Variants in A2M observed in about 807,000 individuals in gnomAD.
A2M encodes the protein alpha-2-macroglobulin, also known as C3 and PZP-like alpha-2-macroglobulin domain-containing protein 5.
In A2M, 128 loss-of-function variants were observed where a neutral mutation model predicts 183.9. The observed-to-expected ratio is 0.70, with a 90% CI of 0.60 to 0.81. The LOEUF (loss-of-function observed/expected upper bound fraction) is 0.81. Among genes scored for constraint, A2M ranks in the 30% least tolerant of loss-of-function variants. The probability of loss-of-function intolerance (pLI) is 0.00; values close to 1 mark genes in which losing one functional copy is unlikely to be tolerated. For synonymous variants in A2M, 592 were observed against 670.8 expected, an observed-to-expected ratio of 0.88 and a Z score of 1.81; for missense variants, 1,495 against 1,787.6, an observed-to-expected ratio of 0.84 and a Z score of 2.95.
At chr12:9,111,644 T>C in intron 4 of A2M, 1 of 410,662 alleles carries the variant, frequency 2.4e-6, no homozygotes, top group Middle Eastern at 4.8e-4. Context: ...CTTTTTGAGA[T>C]AAGAAAATGT....
At chr12:9,097,279 C>T (rs226402) in intron 15 of A2M, among the ~76,000 whole-genome samples, 60,657 of 127,468 alleles carry the variant, frequency 0.48, 13,197 homozygotes, top group African/African-American at 0.65. Flanking sequence ...AAGTAAGAAA[C>T]ATTTTTTTAT....
In A2M at chr12:9,072,970, A is replaced by G. The variant is rs1565577766; in HGVS notation, c.3757-99T>C. 3 of 806,276 alleles carry G rather than the reference A, an allele frequency of 3.7e-6. No homozygotes were observed. In the East Asian group the frequency reaches 8.0e-5, roughly 22 times the overall value. 49.9% of individuals were successfully genotyped at this position (806,276 alleles called of 1,614,324 possible). On this transcript the variant is annotated intron_variant, in intron 29 of 35. Coordinates refer to ENST00000318602, the MANE Select transcript of A2M (RefSeq NM_000014.6). ...CCCATGTGAGGGACTTTGATTTCCT[A>G]CTTCCCTCACTACTTAAATATAGGA...
chr12:9,079,404 A>G, intron 24 of A2M, 73 bp from the exon 25 acceptor site: 3 of 1,436,870 alleles, frequency 2.1e-6, no homozygotes, highest in Non-Finnish European at 2.9e-6. Context: ...TACTAAAAGT[A>G]CCTTGGCTTC....
chr12:9,104,354 A>G lies in A2M; in HGVS notation c.1151T>C (p.Ile384Thr), dbSNP rs1938121332. 1.2e-6 allele frequency: 2 copies of G among 1,605,978 alleles called. No individual in the cohort carries two copies. Among genetic ancestry groups the G allele is most frequent in the Non-Finnish European group, 1.7e-6 (2 of 1,175,708 alleles). ...GKGVPIPNKV[I>T]FIRGNEANYY... ...GTTTGCTTCATTTCCTCTGATGAATATGACTTTATTTGGTATAGGGACGCC... is the reference window on the plus strand; with the variant it reads ...GTTTGCTTCATTTCCTCTGATGAATGTGACTTTATTTGGTATAGGGACGCC... The change falls in exon 11 of 36, where the codon ATA becomes ACA. Residue 384 changes from isoleucine (I) to threonine (T), a missense_variant. Transcript: ENST00000318602.
Position 9,099,447 on chromosome 12 carries a change from AAC to A in A2M, c.1633_1634del (p.Val545PhefsTer14). 1.2e-6 allele frequency: 2 copies of A among 1,604,464 alleles called. No homozygotes were observed. The highest frequency in any genetic ancestry group is 1.7e-6 in the Non-Finnish European group (2 of 1,175,330). On this transcript the variant is annotated frameshift_variant, in exon 14 of 36. Transcript: ENST00000318602. LOFTEE classifies it high-confidence loss of function. Reference protein sequence around the residue: ...APVARLLIYAVLPTGDVIGDS... With the variant: ...APVARLLIYAXLPTGDVIGDS... ...CCCCAATCACGTCCCCGGTAGGTAAAACAGCATAGATGAGCAACCGAGCGACA... is the reference window on the plus strand; with the variant it reads ...CCCCAATCACGTCCCCGGTAGGTAAAAGCATAGATGAGCAACCGAGCGACA...
In A2M at chr12:9,079,623, T is replaced by C. The variant is rs773131845; in HGVS notation, c.3031+16A>G. ...AAATAACATTCAAGTTTTCCCTTAC[T>C]CAAGTAATCACTCACCAGTGTTGAG... On this transcript the variant is annotated intron_variant, in intron 24 of 35. Transcript: ENST00000318602. 7 of 1,606,108 alleles carry C rather than the reference T, an allele frequency of 4.4e-6. No individual in the cohort carries two copies. In the East Asian group the frequency reaches 1.6e-4, roughly 36 times the overall value.
At chr12:9,084,760 C>T (rs776363632) in intron 22 of A2M, among the ~76,000 whole-genome samples, 9 of 151,732 alleles carry the variant, frequency 5.9e-5, no homozygotes, top group East Asian at 3.9e-4. Context: ...AAAACAGGAC[C>T]GAAACATATG....
intron 22 of A2M, among the ~76,000 whole-genome samples, chr12:9,084,497 C>T (rs1010788710): frequency 6.6e-6 from 1 of 152,074 alleles, no homozygotes; most frequent in Non-Finnish European, 1.5e-5. Context: ...TTGAAATTGA[C>T]TGTAAACCCC....
chr12:9,091,322 G>A lies in A2M; in HGVS notation c.2348C>T (p.Thr783Ile). 1 of 1,614,236 alleles carries A rather than the reference G, an allele frequency of 6.2e-7. No individual in the cohort carries two copies. Among genetic ancestry groups the A allele is most frequent in the Non-Finnish European group, 8.5e-7 (1 of 1,180,046 alleles). ...SEDAGLGISS[T>I]ASLRAFQPFF... is the part of the protein sequence containing the mutation. The stretch of plus-strand genomic sequence containing the variant: ...GGGCTGGAAGGCTCGGAGAGAGGCA[G>A]TGGAAGAGATACCAAGTCCAGCATC... Residue 783 changes from threonine (T) to isoleucine (I), a missense_variant, in exon 19 of 36, where the codon ACT (threonine) becomes ATT (isoleucine). By Grantham distance (89) the Thr-to-Ile change is moderately conservative (BLOSUM62 -1). Coordinates refer to ENST00000318602, the MANE Select transcript of A2M (RefSeq NM_000014.6).
chr12:9,077,921 G>A, intron 25 of A2M, 64 bp from the exon 26 acceptor site: 1 of 1,592,566 alleles, frequency 6.3e-7, no homozygotes. Context: ...CCACTTCACA[G>A]CAACAGGCTT....
Position 9,101,458 on chromosome 12 carries a change from A to G in A2M, c.1483T>C (p.Phe495Leu). ...GTLLGLKKLS[F>L]YYLIMAKGGI... ...ACCTCCCTTCTCACCAGATAATAGA[A>G]GGAGAGCTTCTTCAGCCCCAGCAGG... Residue 495 changes from phenylalanine (F) to leucine (L), a missense_variant, in exon 12 of 36, where the codon TTC (phenylalanine) becomes CTC (leucine). Transcript: ENST00000318602. 7 of 1,613,452 alleles carry G rather than the reference A, an allele frequency of 4.3e-6. No individual in the cohort carries two copies. Among genetic ancestry groups the G allele is most frequent in the Non-Finnish European group, 5.9e-6 (7 of 1,179,560 alleles).
In A2M at chr12:9,095,061, G is replaced by A. The variant is rs944417743; in HGVS notation, c.2037C>T (p.Thr679=). 15 of 1,590,246 alleles carry A rather than the reference G, an allele frequency of 9.4e-6. No individual in the cohort carries two copies. The Admixed American group carries it at 1.5e-4, about 16-fold the overall frequency. Residue 679 remains threonine (T), a synonymous_variant, in exon 17 of 36, where the codon ACC becomes ACT. Coordinates refer to ENST00000318602, the MANE Select transcript of A2M (RefSeq NM_000014.6). ...FLEDMGLKAF[T]NSKIRKPKMC... is the part of the protein sequence containing the mutation. Reference sequence around the variant, plus strand: ...TTTTGGGTTTACGAATCTTTGAGTTGGTGAATGCCTTTAAGCCCATGTCCT... The same window carrying A: ...TTTTGGGTTTACGAATCTTTGAGTTAGTGAATGCCTTTAAGCCCATGTCCT...
chr12:9,094,845 C>A, intron 17 of A2M, 128 bp downstream of exon 17: 1 of 440,398 alleles, frequency 2.3e-6, no homozygotes, highest in Non-Finnish European at 3.9e-6. Flanking sequence ...TGACCTTGAG[C>A]AATAACCTTA....
chr12:9,111,661 G>C (rs1938737059), intron 4 of A2M: 1 of 393,690 alleles, frequency 2.5e-6, no homozygotes, highest in Non-Finnish European at 4.9e-6. Flanking sequence ...ATGTGAAGAA[G>C]TTAATTTGGG....
In A2M at chr12:9,114,891, A is replaced by G. The variant is rs545487811; in HGVS notation, c.86+873T>C. Reference sequence around the variant, plus strand: ...TAACTGATCAAAACAAAATAAATACAAAGTATGATTCATACATATTAGATA... The same window carrying G: ...TAACTGATCAAAACAAAATAAATACGAAGTATGATTCATACATATTAGATA... On this transcript the variant is annotated intron_variant, in intron 1 of 35. Transcript: ENST00000318602. 7.2e-5 allele frequency among the ~76,000 whole-genome samples: 11 copies of G among 152,346 alleles called. No individual in the cohort carries two copies. The South Asian group carries it at 2.1e-3, about 29-fold the overall frequency.
At chr12:9,104,761 C>T (rs954868723) in intron 10 of A2M, among the ~76,000 whole-genome samples, 1 of 152,156 alleles carries the variant, frequency 6.6e-6, no homozygotes, top group African/African-American at 2.4e-5. Flanking sequence ...CTTAGAGAGT[C>T]ACAGAGCACT....
intron 11 of A2M, among the ~76,000 whole-genome samples, chr12:9,102,970 T>C (rs754854521): frequency 6.6e-6 from 1 of 152,292 alleles, no homozygotes; most frequent in Non-Finnish European, 1.5e-5. Context: ...ATGTAATATA[T>C]ATTAAATATG....
In A2M at chr12:9,079,664, G is replaced by T. The variant is rs759618398; in HGVS notation, c.3006C>A (p.Ser1002=). 1.2e-6 allele frequency: 2 copies of T among 1,613,506 alleles called. No individual in the cohort carries two copies. The highest frequency in any genetic ancestry group is 1.7e-6 in the Non-Finnish European group (2 of 1,179,634). Residue 1002 remains serine (S), a synonymous_variant, in exon 24 of 36, where the codon TCC becomes TCA. Transcript: ENST00000318602. ...ETQQLTPEIK[S]KAIGYLNTGY... ...CAGTGTTGAGATAGCCAATGGCCTT[G>T]GACTTGATCTCTGGAGTAAGCTGCT... is the stretch of plus-strand genomic sequence containing the variant.
intron 4 of A2M, among the ~76,000 whole-genome samples, chr12:9,111,312 A>G (rs1295629751): frequency 1.3e-5 from 2 of 152,224 alleles, no homozygotes; most frequent in Non-Finnish European, 2.9e-5. Flanking sequence ...TTTAAAAATC[A>G]ATACGTATAG....
Sources: allele counts gnomAD v4.1 joint callset (sites outside exome capture counted in the v4.1 genomes callset), GRCh38; gene constraint gnomAD v4.1.1; transcripts MANE v1.5; gene names NCBI Gene and HGNC (gene_info 2026-07-23, HGNC 2026-07-21).